Variants in ABCA9 observed in about 807,000 individuals in gnomAD.
ABCA9 encodes the protein ATP-binding cassette sub-family A member 9.
In ABCA9, 183 loss-of-function variants were observed where a neutral mutation model predicts 205.3. That is an observed-to-expected ratio of 0.89 (90% CI 0.79 to 1.01). The LOEUF (loss-of-function observed/expected upper bound fraction) is 1.01. Among genes scored for constraint, ABCA9 ranks in the 50% least tolerant of loss-of-function variants. The pLI, the probability that ABCA9 is intolerant of heterozygous loss-of-function variation, is 0.00. For synonymous variants in ABCA9, 651 were observed against 683.3 expected (o/e 0.95, Z 0.74); for missense variants, 1,805 against 1,912.4 (o/e 0.94, Z 1.05).
intron 22 of ABCA9, 78 bp downstream of exon 22, chr17:69,016,175 T>A (rs2070603087): frequency 1.8e-6 from 2 of 1,090,984 alleles, no homozygotes; most frequent in Non-Finnish European, 2.4e-6. Context: ...AAAAGTAATA[T>A]AACATTATTT....
chr17:69,060,791 G>A (rs2072220080), intron 1 of ABCA9, 75 bp downstream of exon 1: 13 of 909,972 alleles, frequency 1.4e-5, no homozygotes, highest in Non-Finnish European at 1.6e-5. Context: ...CTACCTAAAC[G>A]TCTGGCATGC....
At chr17:69,026,915 G>A in intron 15 of ABCA9, 61 bp downstream of exon 15, 2 of 1,581,212 alleles carry the variant, frequency 1.3e-6, no homozygotes, top group Middle Eastern at 1.7e-4. Flanking sequence ...GAGCATACCT[G>A]TTCATATTCC....
intron 15 of ABCA9, among the ~76,000 whole-genome samples, 165 bp from the exon 16 acceptor site, chr17:69,026,632 C>T (rs548404518): frequency 4.5e-4 from 69 of 152,172 alleles, no homozygotes; most frequent in African/African-American, 1.5e-3. Flanking sequence ...TCCAACAGCT[C>T]GAATGAGTGA....
chr17:68,990,903 C>G lies in ABCA9; in HGVS notation c.3771G>C (p.Glu1257Asp). The stretch of plus-strand genomic sequence containing the variant: ...TTCTTTCCATCTGGATATCTTCCTC[C>G]TCTCCTTCAGGCTCTTCTGGGTTTG... ...IFPNPEEPEG[E>D]EEDIQMERMR... The change falls in exon 29 of 39, where the codon GAG (glutamate) becomes GAC (aspartate). Residue 1257 changes from glutamate to aspartate, a missense_variant. Physicochemically the swap from Glu to Asp is conservative, Grantham distance 45. Coordinates refer to ENST00000340001, the MANE Select transcript of ABCA9 (RefSeq NM_080283.4). 6.2e-7 allele frequency: 1 copy of G among 1,613,968 alleles called. No homozygotes were observed. The highest frequency in any genetic ancestry group is 1.3e-5 in the African/African-American group (1 of 75,046).
chr17:68,983,086 G>A lies in ABCA9; in HGVS notation c.4641-445C>T, dbSNP rs548057180. On this transcript the variant is annotated intron_variant, in intron 36 of 38. Transcript: ENST00000340001. ...AAATAGTCACATCTGTGCGGTGTTAGAGAGACACTCATAATGTAAGTGCTC... is the reference window on the plus strand; with the variant it reads ...AAATAGTCACATCTGTGCGGTGTTAAAGAGACACTCATAATGTAAGTGCTC... 3.9e-5 allele frequency among the ~76,000 whole-genome samples: 6 copies of A among 152,302 alleles called. No individual in the cohort carries two copies. In the South Asian group the frequency reaches 1.2e-3, roughly 32 times the overall value.
intron 23 of ABCA9, among the ~76,000 whole-genome samples, chr17:69,011,161 T>G (rs1293773599): frequency 6.6e-6 from 1 of 152,158 alleles, no homozygotes; most frequent in Non-Finnish European, 1.5e-5. Flanking sequence ...CAAATAGATG[T>G]AACTAGTATC....
In ABCA9 at chr17:69,027,075, G is replaced by A; in HGVS notation, c.1951C>T (p.Leu651Phe). The change falls in exon 15 of 39, where the codon CTT (leucine) becomes TTT (phenylalanine). Residue 651 changes from leucine (L) to phenylalanine (F), a missense_variant. Physicochemically the swap from Leu to Phe is conservative, Grantham distance 22. Transcript: ENST00000340001. ...AGATTCCATATTCGGTGCCTTGAAA[G>A]AGGATCCAATCCAGCAGTCGGTTCA... ...LDEPTAGLDP[L>F]SRHRIWNLLK... 1.2e-6 allele frequency: 2 copies of A among 1,614,160 alleles called. No homozygotes were observed. The highest frequency in any genetic ancestry group is 1.7e-6 in the Non-Finnish European group (2 of 1,180,010).
chr17:68,987,750 G>T (rs1294381907), intron 31 of ABCA9, among the ~76,000 whole-genome samples: 4 of 83,988 alleles, frequency 4.8e-5, no homozygotes, highest in African/African-American at 1.0e-4. Flanking sequence ...TTTTTTGTTT[G>T]TTTGTTTGTT....
Position 69,051,135 on chromosome 17 carries a change from G to T in ABCA9, c.-9C>A. 1 of 1,612,568 alleles carries T rather than the reference G, an allele frequency of 6.2e-7. No individual in the cohort carries two copies. The highest frequency in any genetic ancestry group is 8.5e-7 in the Non-Finnish European group (1 of 1,179,318). On this transcript the variant is annotated 5_prime_UTR_variant, in exon 2 of 39. Transcript: ENST00000340001. Reference sequence around the variant, plus strand: ...ATGCGTCTCTTGCTCATTTTGACCTGTTTCCTTTAAAAAGACAGAAAAAAA... The same window carrying T: ...ATGCGTCTCTTGCTCATTTTGACCTTTTTCCTTTAAAAAGACAGAAAAAAA...
chr17:69,027,062 C>G lies in ABCA9; in HGVS notation c.1964G>C (p.Arg655Pro). 6.2e-7 allele frequency: 1 copy of G among 1,614,108 alleles called. No individual in the cohort carries two copies. The highest frequency in any genetic ancestry group is 8.5e-7 in the Non-Finnish European group (1 of 1,179,978). The change falls in exon 15 of 39, where the codon CGA becomes CCA. Residue 655 changes from arginine to proline, a missense_variant. Transcript: ENST00000340001. ...CCCCTCTTTCAGGAGATTCCATATT[C>G]GGTGCCTTGAAAGAGGATCCAATCC... ...TAGLDPLSRH[R>P]IWNLLKEGKS...
chr17:68,997,772 A>G (rs1422589113), intron 25 of ABCA9, among the ~76,000 whole-genome samples: 1 of 152,180 alleles, frequency 6.6e-6, no homozygotes, highest in African/African-American at 2.4e-5. Flanking sequence ...TACATTTGTT[A>G]GAATTGATGA....
chr17:68,998,458 T>C (rs1338384243), intron 25 of ABCA9, among the ~76,000 whole-genome samples: 1 of 152,210 alleles, frequency 6.6e-6, no homozygotes. Flanking sequence ...TTGGAAGTTT[T>C]CTCTTTTATG....
chr17:68,984,999 C>G lies in ABCA9; in HGVS notation c.4285-20G>C. On this transcript the variant is annotated intron_variant, in intron 33 of 38. Transcript: ENST00000340001. ...GCACAGCTGCAACGGGAGGAACAGC[C>G]CCTCTGGTTCCCATCTACGGCACTT... 1 of 1,614,178 alleles carries G rather than the reference C, an allele frequency of 6.2e-7. No homozygotes were observed. Among genetic ancestry groups the G allele is most frequent in the South Asian group, 1.1e-5 (1 of 91,082 alleles).
chr17:69,002,276 A>G, intron 25 of ABCA9, among the ~76,000 whole-genome samples: 2 of 110,294 alleles, frequency 1.8e-5, no homozygotes, highest in African/African-American at 7.5e-5. Context: ...ATTTCCCTCT[A>G]CACACTGCTT....
chr17:68,988,083 A>G (rs8081075), intron 31 of ABCA9, among the ~76,000 whole-genome samples: 7,959 of 152,100 alleles, frequency 0.052, 700 homozygotes, highest in African/African-American at 0.18. Context: ...ATTTTTAAGG[A>G]CTGTTCTTGC....
At position 69,023,251 on chromosome 17, in the gene ABCA9, G is replaced by A. The variant is rs1157608380; in HGVS notation, c.2281+963C>T. 2 of 152,214 alleles carry A rather than the reference G, an allele frequency of 1.3e-5. No individual in the cohort carries two copies. The highest frequency in any genetic ancestry group is 3.9e-4 in the East Asian group (2 of 5,184). 9.4% of individuals were successfully genotyped at this position (152,214 alleles called of 1,614,324 possible). ...CACCTGATGAAATACCATAGGTTCTGCATGTCAGGTATTGTTCCAGTGCTT... is the reference window on the plus strand; with the variant it reads ...CACCTGATGAAATACCATAGGTTCTACATGTCAGGTATTGTTCCAGTGCTT... On this transcript the variant is annotated intron_variant, in intron 17 of 38. Transcript: ENST00000340001. The surrounding 1 kb of genome is among the most constrained non-coding windows in gnomAD (Gnocchi z 4.2).
At chr17:69,027,487 A>G in intron 13 of ABCA9, 38 bp from the exon 14 acceptor site, 1 of 1,578,808 alleles carries the variant, frequency 6.3e-7, no homozygotes, top group Non-Finnish European at 8.6e-7. Flanking sequence ...AAACCCAGAA[A>G]GTTTATTTTA....
intron 23 of ABCA9, among the ~76,000 whole-genome samples, chr17:69,010,716 G>A (rs755232930): frequency 6.6e-6 from 1 of 152,154 alleles, no homozygotes; most frequent in Non-Finnish European, 1.5e-5. Context: ...TGATGACTTA[G>A]ACCACGAAGA....
chr17:69,069,829 C>A, the ABCA9 span, among the ~76,000 whole-genome samples: 1 of 152,042 alleles, frequency 6.6e-6, no homozygotes, highest in East Asian at 1.9e-4. Flanking sequence ...TTTTAGCAAA[C>A]TATGTCCATT....
Sources: gnomAD v4.1 joint callset for allele counts (sites outside exome capture counted in the v4.1 genomes callset) on GRCh38, gnomAD v4.1.1 for gene constraint, Gnocchi (gnomAD v3.1) non-coding constraint, MANE v1.5 for transcripts, NCBI Gene and HGNC (gene_info 2026-07-23, HGNC 2026-07-21) for gene names.